Variants in EIF4G1 observed in about 807,000 individuals in gnomAD.
The protein encoded by EIF4G1 is eukaryotic translation initiation factor 4 gamma 1.
A neutral mutation model predicts 187.8 loss-of-function variants in EIF4G1; 4 were observed. That is an observed-to-expected ratio of 0.02 (90% CI 0.01 to 0.05). EIF4G1 has a LOEUF of 0.05. Ranked by LOEUF, EIF4G1 falls within the 10% of genes least tolerant of loss-of-function variation. The pLI, the probability that EIF4G1 is intolerant of heterozygous loss-of-function variation, is 1.00. For synonymous variants in EIF4G1, 844 were observed against 781.4 expected, an observed-to-expected ratio of 1.08 and a Z score of -1.34; for missense variants, 1,647 against 2,081.1, an observed-to-expected ratio of 0.79 and a Z score of 4.06.
chr3:184,324,397 T>A (rs773456634), intron 17 of EIF4G1, 50 bp downstream of exon 17: 2 of 1,612,702 alleles, frequency 1.2e-6, no homozygotes. Context: ...CTCCTTCCCT[T>A]ACCCAGATGC....
At position 184,325,557 on chromosome 3, in the gene EIF4G1, ACAT is replaced by A; in HGVS notation, c.3041_3043del (p.His1014del). On this transcript the variant is annotated inframe_deletion, in exon 20 of 33. Transcript: ENST00000346169. The surrounding 1 kb of genome is among the most constrained non-coding windows in gnomAD (Gnocchi z 5.2). ...TCCATAAGGAGGCTGAGATGGAAGA[ACAT>A]CGAGAGCACATCAAAGTGCAGCAGC... The A allele has an allele frequency of 1.2e-6, 2 of 1,614,240 alleles. No homozygotes were observed. The highest frequency in any genetic ancestry group is 1.7e-6 in the Non-Finnish European group (2 of 1,180,046).
chr3:184,318,867 A>G (rs1723256797), intron 6 of EIF4G1, among the ~76,000 whole-genome samples: 1 of 151,360 alleles, frequency 6.6e-6, no homozygotes, highest in Non-Finnish European at 1.5e-5. Context: ...AGCCTCCCAA[A>G]GTGCTGAGAT....
At chr3:184,333,157 C>T (rs530677597) in intron 32 of EIF4G1, among the ~76,000 whole-genome samples, 1 of 151,950 alleles carries the variant, frequency 6.6e-6, no homozygotes, top group Non-Finnish European at 1.5e-5. Context: ...GGGAGGGGGC[C>T]GTGAGAGATT....
chr3:184,317,261 G>T, intron 4 of EIF4G1, 60 bp from the exon 5 acceptor site: 2 of 1,589,260 alleles, frequency 1.3e-6, no homozygotes, highest in Middle Eastern at 2.1e-4. Flanking sequence ...TTGTGGAGTG[G>T]CAATTTTTTG....
At position 184,334,686 on chromosome 3, in the gene EIF4G1, G is replaced by A. The variant is rs375510145; in HGVS notation, c.4619-41G>A. On this transcript the variant is annotated intron_variant, in intron 32 of 32. Transcript: ENST00000346169. The surrounding 1 kb of genome is among the most constrained non-coding windows in gnomAD (Gnocchi z 5.8). The stretch of plus-strand genomic sequence containing the variant: ...GTTCCCTGGGGTGGGCTGGGGTGGC[G>A]GTGGCCAGTCACCTCTAACTGCTGT... 18 of 1,613,222 alleles carry A rather than the reference G, an allele frequency of 1.1e-5. No individual in the cohort carries two copies. The African/African-American group carries it at 1.5e-4, about 13-fold the overall frequency.
At position 184,325,506 on chromosome 3, in the gene EIF4G1, T is replaced by C. The variant is rs766623039; in HGVS notation, c.2988T>C (p.Asp996=). 1.2e-6 allele frequency: 2 copies of C among 1,614,070 alleles called. No homozygotes were observed. The highest frequency in any genetic ancestry group is 1.7e-6 in the Non-Finnish European group (2 of 1,180,020). ...RGSNWVPRRG[D]QGPKTIDQIH... ...GCAATTGGGTGCCACGCCGAGGGGA[T>C]CAGGGTCCCAAGACCATTGACCAGA... Residue 996 remains aspartate, a synonymous_variant, in exon 20 of 33, where the codon GAT becomes GAC. Coordinates refer to ENST00000346169, the MANE Select transcript of EIF4G1 (RefSeq NM_198241.3). The surrounding 1 kb of genome is among the most constrained non-coding windows in gnomAD (Gnocchi z 5.2).
In EIF4G1 at chr3:184,323,296, C is replaced by T. The variant is rs773947472; in HGVS notation, c.2088+55C>T. Reference sequence around the variant, plus strand: ...GGCAAGGAGTGGGAGTGGATGATTCCGTGTCTCAGTGCCCGCGGGGAGGGG... The same window carrying T: ...GGCAAGGAGTGGGAGTGGATGATTCTGTGTCTCAGTGCCCGCGGGGAGGGG... On this transcript the variant is annotated intron_variant, in intron 14 of 32. Coordinates refer to ENST00000346169, the MANE Select transcript of EIF4G1 (RefSeq NM_198241.3). The surrounding 1 kb of genome is among the most constrained non-coding windows in gnomAD (Gnocchi z 6.9). 8.4e-5 allele frequency: 136 copies of T among 1,612,244 alleles called. No individual in the cohort carries two copies. The highest frequency in any genetic ancestry group is 9.6e-5 in the Non-Finnish European group (113 of 1,178,680).
chr3:184,319,426 G>GATGTGT lies in EIF4G1; in HGVS notation c.425-263_425-262insATGTGT, dbSNP rs1188087123. ...TAGGAAAGAGTGCCTGCCTACGAGG[G>GATGTGT]GTGTGTGTGTGTGTGTGTGTGTGTG... On this transcript the variant is annotated intron_variant, in intron 6 of 32. Coordinates refer to ENST00000346169, the MANE Select transcript of EIF4G1 (RefSeq NM_198241.3). Among the ~76,000 whole-genome samples, 4 of 112,966 alleles carry GATGTGT rather than the reference G, an allele frequency of 3.5e-5. No homozygotes were observed. In the East Asian group the frequency reaches 9.7e-4, roughly 28 times the overall value. 74.1% of individuals were successfully genotyped at this position (112,966 alleles called of 152,430 possible). A position where few individuals can be genotyped will look rare whatever the true frequency, so the allele number is the denominator to read the frequency against.
chr3:184,327,730 TGAG>T (rs771016530), intron 25 of EIF4G1, 26 bp downstream of exon 25: 1 of 1,613,414 alleles, frequency 6.2e-7, no homozygotes, highest in Admixed American at 1.7e-5. Flanking sequence ...GGCGTGTGAT[TGAG>T]GAGTGGGCAG....
intron 31 of EIF4G1, 55 bp from the exon 32 acceptor site, chr3:184,331,891 C>G (rs1726182458): frequency 6.2e-7 from 1 of 1,613,950 alleles, no homozygotes. Flanking sequence ...CTTGGCCTCC[C>G]AGTTCTGAAC....
At chr3:184,329,487 C>T (rs780997626) in intron 28 of EIF4G1, among the ~76,000 whole-genome samples, 6 of 152,012 alleles carry the variant, frequency 3.9e-5, no homozygotes, top group South Asian at 2.1e-4. Flanking sequence ...AAAAATTAGC[C>T]GTGTTGTGGC....
rs1577184508 is a variant in EIF4G1 at position 184,317,392 on chromosome 3, C to T, written c.219C>T (p.Arg73=). The T allele has an allele frequency of 1.9e-6, 3 of 1,614,096 alleles. No homozygotes were observed. The highest frequency in any genetic ancestry group is 2.5e-6 in the Non-Finnish European group (3 of 1,180,010). Residue 73 remains arginine (R), a synonymous_variant, in exon 5 of 33, where the codon CGC becomes CGT. Transcript: ENST00000346169. ...ASRVQSAAPA[R]PGPAAHVYPA... is the part of the protein sequence containing the mutation. The stretch of plus-strand genomic sequence containing the variant: ...GAGTGCAGAGTGCAGCCCCTGCCCG[C>T]CCTGGCCCAGCTGCCCATGTCTACC...
At position 184,323,518 on chromosome 3, in the gene EIF4G1, C is replaced by T. The variant is rs1044757520; in HGVS notation, c.2199C>T (p.Ala733=). 1.9e-6 allele frequency: 3 copies of T among 1,614,038 alleles called. No individual in the cohort carries two copies. Among genetic ancestry groups the T allele is most frequent in the Non-Finnish European group, 2.5e-6 (3 of 1,180,038 alleles). ...TAAAACTGAACAAAGCAGAGAAAGC[C>T]TGGAAACCCAGCAGCAAGCGGACGG... ...EDIKLNKAEK[A]WKPSSKRTAA... The change falls in exon 15 of 33, where the codon GCC becomes GCT. Residue 733 remains alanine, a synonymous_variant. Coordinates refer to ENST00000346169, the MANE Select transcript of EIF4G1 (RefSeq NM_198241.3). This position sits in a 1 kb window ranked among gnomAD's most constrained non-coding sequence, Gnocchi z 6.9.
chr3:184,330,538 C>G (rs1725858040), intron 28 of EIF4G1, among the ~76,000 whole-genome samples: 1 of 152,140 alleles, frequency 6.6e-6, no homozygotes, highest in Admixed American at 6.5e-5. Context: ...TCTATTGCCC[C>G]TTACAGAAAA....
chr3:184,324,590 G>T (rs1724507285), intron 17 of EIF4G1, among the ~76,000 whole-genome samples: 1 of 152,280 alleles, frequency 6.6e-6, no homozygotes, highest in Non-Finnish European at 1.5e-5. Context: ...CTCCCAAGTA[G>T]CTGGGATTAC....
intron 17 of EIF4G1, 113 bp from the exon 18 acceptor site, chr3:184,324,765 A>G (rs1425178227): frequency 2.5e-6 from 3 of 1,185,496 alleles, no homozygotes; most frequent in South Asian, 2.4e-5. Flanking sequence ...ATGCCCAGCC[A>G]GCCGGCCTCA....
At position 184,323,402 on chromosome 3, in the gene EIF4G1, TAGC is replaced by T. The variant is rs748798027; in HGVS notation, c.2089-3_2089-1del. 62 of 1,614,038 alleles carry T rather than the reference TAGC, an allele frequency of 3.8e-5. No individual in the cohort carries two copies. The highest frequency in any genetic ancestry group is 4.7e-5 in the Non-Finnish European group (55 of 1,180,038). On this transcript the variant is annotated splice_polypyrimidine_tract_variant and splice_region_variant and intron_variant, in intron 14 of 32. Transcript: ENST00000346169. This position sits in a 1 kb window ranked among gnomAD's most constrained non-coding sequence, Gnocchi z 6.9. ...TCCCCTCTTGTCTTCATCCCTTGCT[TAGC>T]AGGCTGGCCTGGGACCCCGGCGCTC...
At chr3:184,328,515 A>G in intron 26 of EIF4G1, 116 bp from the exon 27 acceptor site, 1 of 1,434,408 alleles carries the variant, frequency 7.0e-7, no homozygotes, top group Non-Finnish European at 9.8e-7. Flanking sequence ...AATTGTCCCC[A>G]TGTCTAGAAA....
chr3:184,328,830 T>G (rs1403012627), intron 27 of EIF4G1, 74 bp downstream of exon 27: 13 of 1,613,872 alleles, frequency 8.1e-6, no homozygotes, highest in Non-Finnish European at 1.1e-5. Context: ...CTGGGTTGGA[T>G]ACCCTGGTTT....
Sources: gnomAD v4.1 joint callset for allele counts (sites outside exome capture counted in the v4.1 genomes callset) on GRCh38, gnomAD v4.1.1 for gene constraint, Gnocchi (gnomAD v3.1) non-coding constraint, MANE v1.5 for transcripts, NCBI Gene and HGNC (gene_info 2026-07-23, HGNC 2026-07-21) for gene names.